PARP12: variants seen among roughly 807,000 people sequenced by gnomAD.
The protein encoded by PARP12 is poly(ADP-ribose) polymerase family member 12, also known as protein mono-ADP-ribosyltransferase PARP12.
Under a neutral mutation model 72.4 loss-of-function variants are expected in PARP12, and 59 were observed. The ratio of observed to expected loss-of-function variants is 0.81; its 90% CI spans 0.66 to 1.01. PARP12 has a LOEUF of 1.01. Ranked by LOEUF, PARP12 falls within the 50% of genes least tolerant of loss-of-function variation. The probability of loss-of-function intolerance (pLI) is 0.00; values close to 1 mark genes in which losing one functional copy is unlikely to be tolerated. For missense variants in PARP12, 851 were observed against 914.0 expected (o/e 0.93, Z 0.89); for synonymous variants, 403 against 371.4 (o/e 1.09, Z -0.98).
At chr7:140,062,470 G>A (rs1817498686) in intron 1 of PARP12, 52 bp downstream of exon 1, 1 of 1,486,644 alleles carries the variant, frequency 6.7e-7, no homozygotes, top group Non-Finnish European at 8.9e-7. Flanking sequence ...CTGGAAGTGC[G>A]TGAGGGCGCG....
intron 7 of PARP12, 127 bp from the exon 8 acceptor site, chr7:140,034,458 G>A (rs1383306577): frequency 2.6e-6 from 2 of 772,548 alleles, no homozygotes; most frequent in Non-Finnish European, 4.0e-6. Flanking sequence ...CCCAGAATCA[G>A]TCTGTTAAAA....
intron 3 of PARP12, among the ~76,000 whole-genome samples, chr7:140,055,132 T>C (rs1368698003): frequency 6.6e-6 from 1 of 152,238 alleles, no homozygotes. Flanking sequence ...GGGACACTTT[T>C]GTAATAAGGG....
chr7:140,056,805 C>T, intron 3 of PARP12, 51 bp downstream of exon 3: 1 of 1,511,346 alleles, frequency 6.6e-7, no homozygotes, highest in Non-Finnish European at 8.9e-7. Context: ...AACCCCCAGC[C>T]CAGGACCTCC....
At chr7:140,029,315 TTAAA>T (rs1318671181) in intron 8 of PARP12, among the ~76,000 whole-genome samples, 5 of 152,154 alleles carry the variant, frequency 3.3e-5, no homozygotes, top group Admixed American at 6.5e-5. Context: ...TTTCTAAAAA[TTAAA>T]TAAAAGCAGT....
intron 5 of PARP12, among the ~76,000 whole-genome samples, chr7:140,045,208 A>T (rs1045192218): frequency 1.1e-4 from 16 of 151,888 alleles, no homozygotes; most frequent in Non-Finnish European, 1.8e-4. Flanking sequence ...TTTTTTAAAA[A>T]TTTTTGTAGA....
chr7:140,038,530 A>G (rs2116566569), intron 6 of PARP12, among the ~76,000 whole-genome samples: 1 of 152,250 alleles, frequency 6.6e-6, no homozygotes, highest in South Asian at 2.1e-4. Context: ...TCATCCCTTT[A>G]TACAACAGGA....
In PARP12 at chr7:140,057,308, G is replaced by A. The variant is rs577777949; in HGVS notation, c.463-155C>T. On this transcript the variant is annotated intron_variant, in intron 2 of 11. Transcript: ENST00000263549. ...TATTACATCCCTCACTCTAGATGAC[G>A]GCTGCTAACAAATGCCCTTGGCTAA... The A allele has an allele frequency of 8.1e-5, 60 of 741,634 alleles. No homozygotes were observed. In the Admixed American group the frequency reaches 8.5e-4, roughly 10 times the overall value. The allele number at this position is 741,634 out of a possible 1,614,324, so 45.9% of individuals were successfully genotyped here.
intron 5 of PARP12, among the ~76,000 whole-genome samples, chr7:140,046,031 T>C (rs1347965380): frequency 6.6e-6 from 1 of 152,114 alleles, no homozygotes; most frequent in African/African-American, 2.4e-5. Context: ...GTGAGGAAAA[T>C]GATCCGTATC....
chr7:140,028,253 C>T (rs1017469746), intron 9 of PARP12, among the ~76,000 whole-genome samples: 14 of 152,150 alleles, frequency 9.2e-5, no homozygotes, highest in African/African-American at 3.4e-4. Flanking sequence ...AAATGTCCAT[C>T]GGACTCAGGT....
At chr7:140,027,137 G>C in intron 10 of PARP12, 139 bp downstream of exon 10, 1 of 1,213,490 alleles carries the variant, frequency 8.2e-7, no homozygotes, top group Non-Finnish European at 1.2e-6. Flanking sequence ...GGACGAAGGA[G>C]AGCAGACACA....
At position 140,062,679 on chromosome 7, in the gene PARP12, C is replaced by T. The variant is rs1018515627; in HGVS notation, c.169G>A (p.Gly57Ser). The T allele has an allele frequency of 7.9e-7, 1 of 1,270,554 alleles. No homozygotes were observed. Among genetic ancestry groups the T allele is most frequent in the Non-Finnish European group, 9.9e-7 (1 of 1,010,404 alleles). 78.7% of individuals were successfully genotyped at this position (1,270,554 alleles called of 1,614,324 possible). A position where few individuals can be genotyped will look rare whatever the true frequency, so the allele number is the denominator to read the frequency against. The change falls in exon 1 of 12, where the codon GGC becomes AGC. Residue 57 changes from glycine to serine, a missense_variant. Physicochemically the swap from Gly to Ser is moderately conservative, Grantham distance 56. Around this residue, in one of 3 missense-constraint regions of PARP12, gnomAD observed 492 missense variants for 489.3 expected, o/e 1.01. Transcript: ENST00000263549. ...ACGCGCTCCGGGGCCGCGGCTGCGC[C>T]GCCCGCCCGCACCGCCACCACGAAG... ...GRFVVAVRAG[G>S]AAAAPERVVL...
intron 5 of PARP12, among the ~76,000 whole-genome samples, chr7:140,046,248 C>A (rs975409013): frequency 2.0e-5 from 3 of 152,130 alleles, no homozygotes; most frequent in African/African-American, 7.2e-5. Context: ...ACTCTAAGTG[C>A]AAATTTATTT....
chr7:140,038,351 T>C, intron 6 of PARP12: 1 of 948,332 alleles, frequency 1.1e-6, no homozygotes, highest in South Asian at 4.9e-5. Flanking sequence ...TCCATTTCAA[T>C]CCCTATCCTT....
rs1271390370 is a variant in PARP12, at chr7:140,033,413, A to G, written c.1421+822T>C. The G allele has an allele frequency of 3.0e-6, 3 of 985,458 alleles. No individual in the cohort carries two copies. In the East Asian group the frequency reaches 3.4e-4, roughly 112 times the overall value. 61.0% of individuals were successfully genotyped at this position (985,458 alleles called of 1,614,324 possible). A position where few individuals can be genotyped will look rare whatever the true frequency, so the allele number is the denominator to read the frequency against. ...AAAATAGACACAAGCCAGACCTCTCAGGCGAACAGAAGGTGCAGCCAGCTA... is the reference window on the plus strand; with the variant it reads ...AAAATAGACACAAGCCAGACCTCTCGGGCGAACAGAAGGTGCAGCCAGCTA... On this transcript the variant is annotated intron_variant, in intron 8 of 11. Transcript: ENST00000263549.
chr7:140,027,185 CT>C, intron 10 of PARP12, 90 bp downstream of exon 10: 1 of 1,531,526 alleles, frequency 6.5e-7, no homozygotes, highest in Non-Finnish European at 8.9e-7. Context: ...TGCCGCTCTG[CT>C]TTTCCTGGAA....
At chr7:140,025,068 C>T (rs921066858) in intron 11 of PARP12, among the ~76,000 whole-genome samples, 183 bp from the exon 12 acceptor site, 7 of 152,182 alleles carry the variant, frequency 4.6e-5, no homozygotes, top group Admixed American at 1.3e-4. Context: ...ATCAGTGATA[C>T]CAACACCCTT....
In PARP12 at chr7:140,062,901, G is replaced by A; in HGVS notation, c.-54C>T. 1 of 1,215,632 alleles carries A rather than the reference G, an allele frequency of 8.2e-7. No individual in the cohort carries two copies. The highest frequency in any genetic ancestry group is 3.0e-5 in the South Asian group (1 of 32,794). 75.3% of individuals were successfully genotyped at this position (1,215,632 alleles called of 1,614,324 possible). On this transcript the variant is annotated 5_prime_UTR_variant, in exon 1 of 12. Coordinates refer to ENST00000263549, the MANE Select transcript of PARP12 (RefSeq NM_022750.4). ...CGGGTGGCGCGACGCGGACGGCGGCGGACGCTGGCTGGCGGGCGGCTCTCG... is the reference window on the plus strand; with the variant it reads ...CGGGTGGCGCGACGCGGACGGCGGCAGACGCTGGCTGGCGGGCGGCTCTCG...
chr7:140,031,315 A>G (rs1815931180), intron 8 of PARP12, among the ~76,000 whole-genome samples: 1 of 152,042 alleles, frequency 6.6e-6, no homozygotes, highest in Non-Finnish European at 1.5e-5. Flanking sequence ...GGAAGGTGCA[A>G]TAAGCCGTGA....
chr7:140,038,928 C>T (rs368913464), intron 6 of PARP12, among the ~76,000 whole-genome samples: 1 of 152,268 alleles, frequency 6.6e-6, no homozygotes, highest in African/African-American at 2.4e-5. Flanking sequence ...ACAGGTCTCA[C>T]GGGTGCTCTA....
Sources: allele counts gnomAD v4.1 joint callset (sites outside exome capture counted in the v4.1 genomes callset), GRCh38; gene constraint gnomAD v4.1.1; regional missense constraint gnomAD v4.1.1; transcripts MANE v1.5; gene names NCBI Gene and HGNC (gene_info 2026-07-23, HGNC 2026-07-21).